STKLD1: variants seen among roughly 807,000 people sequenced by gnomAD.
The protein encoded by STKLD1 is serine/threonine kinase like domain containing 1, also known as serine/threonine kinase-like domain-containing protein STKLD1.
In STKLD1, 79 loss-of-function variants were observed where a neutral mutation model predicts 80.4. The ratio of observed to expected loss-of-function variants is 0.98; its 90% CI spans 0.82 to 1.19. The LOEUF (loss-of-function observed/expected upper bound fraction) is 1.19, where lower values mean the gene tolerates loss of function less well. Among genes scored for constraint, STKLD1 ranks in the 50% most tolerant of loss-of-function variants. The pLI is 0.00. For synonymous variants in STKLD1, 393 were observed against 357.6 expected (o/e 1.10, Z -1.12); for missense variants, 841 against 856.0 (o/e 0.98, Z 0.22).
At chr9:133,382,160 A>C (rs1838147310) in intron 2 of STKLD1, among the ~76,000 whole-genome samples, 1 of 152,182 alleles carries the variant, frequency 6.6e-6, no homozygotes, top group Admixed American at 6.5e-5. Context: ...AGCACTGTAC[A>C]TTCCATGCGT....
At chr9:133,404,748 G>A (rs1838802703) in intron 16 of STKLD1, 41 bp from the exon 17 acceptor site, 1 of 1,603,242 alleles carries the variant, frequency 6.2e-7, no homozygotes, top group South Asian at 1.1e-5. Context: ...TTCCCTTTCA[G>A]GGGAAAGCAG....
At chr9:133,391,639 CTTTG>C (rs1838400473) in intron 7 of STKLD1, among the ~76,000 whole-genome samples, 1 of 152,028 alleles carries the variant, frequency 6.6e-6, no homozygotes, top group Non-Finnish European at 1.5e-5. Context: ...GCAAGATGTG[CTTTG>C]TTTAACAGAT....
chr9:133,404,423 GAGCACAGCACAACCGACGCTCGGCCCAC>G (rs1838789349), intron 16 of STKLD1, among the ~76,000 whole-genome samples: 1 of 152,182 alleles, frequency 6.6e-6, no homozygotes, highest in Non-Finnish European at 1.5e-5. Flanking sequence ...GCCCAGCGCT[GAGCACAGCACAACCGACGCTCGGCCCAC>G]AGCACAGTCC....
chr9:133,397,375 G>C (rs960107621), intron 10 of STKLD1, 81 bp downstream of exon 10: 5 of 1,574,568 alleles, frequency 3.2e-6, no homozygotes, highest in East Asian at 2.3e-5. Flanking sequence ...AGTTCCAGAG[G>C]GTTCATTATT....
chr9:133,395,924 C>G (rs897082992), intron 9 of STKLD1, 161 bp downstream of exon 9: 2 of 730,904 alleles, frequency 2.7e-6, no homozygotes, highest in East Asian at 5.5e-5. Context: ...AGTTCTGGCT[C>G]TCCCAAACCG....
At chr9:133,378,291 T>C (rs1194645572) in intron 1 of STKLD1, among the ~76,000 whole-genome samples, 1 of 152,070 alleles carries the variant, frequency 6.6e-6, no homozygotes, top group Non-Finnish European at 1.5e-5. Flanking sequence ...CATCCTCATA[T>C]CTCCTCCTCT....
chr9:133,396,472 G>C (rs587685719), intron 9 of STKLD1, among the ~76,000 whole-genome samples: 1 of 151,874 alleles, frequency 6.6e-6, no homozygotes, highest in South Asian at 2.1e-4. Context: ...AAAGAATCCA[G>C]GCCGGACACG....
In STKLD1 at chr9:133,376,446, GC is replaced by G. The variant is rs2130247769; in HGVS notation, c.-27del. The G allele has an allele frequency of 6.4e-7, 1 of 1,551,020 alleles. No homozygotes were observed. The highest frequency in any genetic ancestry group is 8.7e-7 in the Non-Finnish European group (1 of 1,150,596). ...ACGCGGGGTGGGGCCAGGGGTGGAC[GC>G]TCGCCCGTACGCGGTCGCTACTGAT... On this transcript the variant is annotated 5_prime_UTR_variant, in exon 1 of 18. Coordinates refer to ENST00000371957, the MANE Select transcript of STKLD1 (RefSeq NM_153710.5).
rs782765690 is a variant in STKLD1, at chr9:133,400,544, A to G, written c.1198+15A>G. 1.3e-6 allele frequency: 2 copies of G among 1,592,024 alleles called. No individual in the cohort carries two copies. The highest frequency in any genetic ancestry group is 2.2e-5 in the East Asian group (1 of 44,724). ...CCTGGGCCAAGGTGGGTGCCAAACC[A>G]GGCCAGATGGGGTCGGGGAGGCTGT... On this transcript the variant is annotated intron_variant, in intron 12 of 17. Transcript: ENST00000371957.
intron 17 of STKLD1, 47 bp from the exon 18 acceptor site, chr9:133,405,205 G>A: frequency 6.5e-7 from 1 of 1,545,808 alleles, no homozygotes; most frequent in Non-Finnish European, 8.7e-7. Context: ...TCTGGCAAGG[G>A]GCACAGGAAG....
chr9:133,387,949 C>A, intron 5 of STKLD1: 1 of 427,882 alleles, frequency 2.3e-6, no homozygotes. Flanking sequence ...ATCATGTGTT[C>A]ATTGCTTGCT....
chr9:133,379,126 AG>A lies in STKLD1; in HGVS notation c.174+5del. 4 of 1,613,624 alleles carry A rather than the reference AG, an allele frequency of 2.5e-6. No homozygotes were observed. The highest frequency in any genetic ancestry group is 3.4e-6 in the Non-Finnish European group (4 of 1,179,690). ...AGTCAAGCATGTGATAAAGCAGGTA[AG>A]AGGCCAAGCCTGTGCATCCCATGCC... On this transcript the variant is annotated splice_donor_5th_base_variant and intron_variant, in intron 2 of 17. Coordinates refer to ENST00000371957, the MANE Select transcript of STKLD1 (RefSeq NM_153710.5).
Position 133,405,402 on chromosome 9 carries a change from C to T in STKLD1, c.2024C>T (p.Thr675Met), listed in dbSNP as rs782198462. The T allele has an allele frequency of 4.3e-6, 7 of 1,609,420 alleles. No individual in the cohort carries two copies. In the South Asian group the frequency reaches 5.5e-5, roughly 13 times the overall value. Residue 675 changes from threonine (T) to methionine (M), a missense_variant, in exon 18 of 18, where the codon ACG becomes ATG. Thr to Met is a moderately conservative substitution (Grantham distance 81, BLOSUM62 -1). Transcript: ENST00000371957. The part of the protein sequence containing the change: ...PGGSPQLGCT[T>M]SGGLE ...GGAAGCCCCCAGCTGGGGTGCACCA[C>T]GTCTGGGGGACTGGAATAGATGTTT...
In STKLD1 at chr9:133,385,838, T is replaced by TAAC. The variant is rs1476732616; in HGVS notation, c.294+149_294+151dup. The TAAC allele has an allele frequency of 1.5e-6, 1 of 666,730 alleles. No individual in the cohort carries two copies. The highest frequency in any genetic ancestry group is 2.6e-6 in the Non-Finnish European group (1 of 388,734). 41.3% of individuals were successfully genotyped at this position (666,730 alleles called of 1,614,324 possible). A position where few individuals can be genotyped will look rare whatever the true frequency, so the allele number is the denominator to read the frequency against. ...ACTGTAAACGTGGCCACCCCTGACCTAACACTCACTGGGGCCAGGTACCAT... is the reference window on the plus strand; with the variant it reads ...ACTGTAAACGTGGCCACCCCTGACCTAACAACACTCACTGGGGCCAGGTACCAT... On this transcript the variant is annotated intron_variant, in intron 4 of 17. Coordinates refer to ENST00000371957, the MANE Select transcript of STKLD1 (RefSeq NM_153710.5). The surrounding 1 kb of genome is among the most constrained non-coding windows in gnomAD (Gnocchi z 4.9).
Position 133,389,404 on chromosome 9 carries a change from A to G in STKLD1, c.397-122A>G. ...CCACCCTGAGCGCTTGGCTGGCTTC[A>G]GGCCTGTCTCAAGATGCAAGGAGAG... On this transcript the variant is annotated intron_variant, in intron 5 of 17. Transcript: ENST00000371957. The surrounding 1 kb of genome is among the most constrained non-coding windows in gnomAD (Gnocchi z 6.4). 1 of 1,481,624 alleles carries G rather than the reference A, an allele frequency of 6.7e-7. No individual in the cohort carries two copies. Among genetic ancestry groups the G allele is most frequent in the Non-Finnish European group, 9.0e-7 (1 of 1,111,396 alleles). 91.8% of individuals were successfully genotyped at this position (1,481,624 alleles called of 1,614,324 possible). A position where few individuals can be genotyped will look rare whatever the true frequency, so the allele number is the denominator to read the frequency against.
rs2130249327 is a variant in STKLD1, at chr9:133,376,557, C to T, written c.84C>T (p.Tyr28=). The T allele has an allele frequency of 1.3e-6, 2 of 1,594,876 alleles. No homozygotes were observed. The highest frequency in any genetic ancestry group is 1.1e-5 in the South Asian group (1 of 88,152). Reference sequence around the variant, plus strand: ...CCCCCGGAGAGCCCATGGAGAAGTACCAGGTGCCGAGTGTTCCCTGCGGGG... The same window carrying T: ...CCCCCGGAGAGCCCATGGAGAAGTATCAGGTGCCGAGTGTTCCCTGCGGGG... ...PGSPGEPMEK[Y]QVLYQLNPGA... is the part of the protein sequence containing the mutation. Residue 28 remains tyrosine, a synonymous_variant, in exon 1 of 18, where the codon TAC becomes TAT. Transcript: ENST00000371957.
At position 133,405,439 on chromosome 9, in the gene STKLD1, A is replaced by G. The variant is rs200178083; in HGVS notation, c.*18A>G. 1.3e-6 allele frequency: 2 copies of G among 1,586,080 alleles called. No individual in the cohort carries two copies. Among genetic ancestry groups the G allele is most frequent in the Non-Finnish European group, 1.7e-6 (2 of 1,170,398 alleles). Reference sequence around the variant, plus strand: ...TGGAATAGATGTTTGTATGGAACTGACCTTGATCTCCACGTGTATAGTTTT... The same window carrying G: ...TGGAATAGATGTTTGTATGGAACTGGCCTTGATCTCCACGTGTATAGTTTT... On this transcript the variant is annotated 3_prime_UTR_variant, in exon 18 of 18. Coordinates refer to ENST00000371957, the MANE Select transcript of STKLD1 (RefSeq NM_153710.5).
rs1001981788 is a variant in STKLD1 at position 133,394,044 on chromosome 9, G to T, written c.584-247G>T. On this transcript the variant is annotated intron_variant, in intron 7 of 17. Transcript: ENST00000371957. This position sits in a 1 kb window ranked among gnomAD's most constrained non-coding sequence, Gnocchi z 4.9. ...CACCACCTATATGGGCCAGCCTGGT[G>T]GGCACCCACCAAGATGGACAGCTTC... 1.2e-5 allele frequency: 6 copies of T among 516,352 alleles called. No individual in the cohort carries two copies. Among genetic ancestry groups the T allele is most frequent in the Non-Finnish European group, 1.7e-5 (5 of 285,890 alleles). The allele number at this position is 516,352 out of a possible 1,614,324, so 32.0% of individuals were successfully genotyped here.
At chr9:133,386,883 G>T (rs1838276392) in intron 4 of STKLD1, among the ~76,000 whole-genome samples, 1 of 152,248 alleles carries the variant, frequency 6.6e-6, no homozygotes, top group African/African-American at 2.4e-5. Flanking sequence ...GTCCGAGCAG[G>T]AAAGGCCCCT....
Sources: gnomAD v4.1 joint callset for allele counts (sites outside exome capture counted in the v4.1 genomes callset) on GRCh38, gnomAD v4.1.1 for gene constraint, Gnocchi (gnomAD v3.1) non-coding constraint, MANE v1.5 for transcripts, NCBI Gene and HGNC (gene_info 2026-07-23, HGNC 2026-07-21) for gene names.